Variants in DNM3 observed in about 807,000 individuals in gnomAD.
DNM3 encodes the protein dynamin 3.
In DNM3, 47 loss-of-function variants were observed where a neutral mutation model predicts 101.6. The ratio of observed to expected loss-of-function variants is 0.46; its 90% CI spans 0.37 to 0.59. DNM3 has a LOEUF of 0.59. Among genes scored for constraint, DNM3 ranks in the 20% least tolerant of loss-of-function variants. DNM3 has a pLI of 0.00. For synonymous variants in DNM3, 385 were observed against 387.9 expected (o/e 0.99, Z 0.09); for missense variants, 849 against 1,085.7 (o/e 0.78, Z 3.06).
intron 14 of DNM3, among the ~76,000 whole-genome samples, chr1:172,232,495 C>T (rs866850555): frequency 6.6e-6 from 1 of 152,182 alleles, no homozygotes; most frequent in Non-Finnish European, 1.5e-5. Context: ...AGAAAGTTAA[C>T]AAGGATATCC....
At chr1:171,999,260 C>T (rs1049392820) in intron 4 of DNM3, among the ~76,000 whole-genome samples, 2 of 152,034 alleles carry the variant, frequency 1.3e-5, no homozygotes, top group African/African-American at 4.8e-5. Flanking sequence ...ATTCAAGGTA[C>T]ACTGTGAAAG....
At chr1:172,006,213 G>A (rs2046677358) in intron 4 of DNM3, among the ~76,000 whole-genome samples, 2 of 152,052 alleles carry the variant, frequency 1.3e-5, no homozygotes, top group African/African-American at 4.8e-5. Context: ...CAGTGAGGGA[G>A]GTTTCTTGAT....
intron 14 of DNM3, among the ~76,000 whole-genome samples, chr1:172,243,524 A>G (rs2061825188): frequency 6.6e-6 from 1 of 152,132 alleles, no homozygotes; most frequent in Admixed American, 6.6e-5. Flanking sequence ...GGTAATGTCA[A>G]GTGTGACTGG....
chr1:172,089,030 C>G (rs943604031), intron 12 of DNM3, among the ~76,000 whole-genome samples: 1 of 152,204 alleles, frequency 6.6e-6, no homozygotes, highest in African/African-American at 2.4e-5. Flanking sequence ...TCCACAGTGA[C>G]TTGTGTGTAG....
chr1:172,388,799 A>C lies in DNM3; in HGVS notation c.2512A>C (p.Ser838Arg). ...ATCTAGGCCTACGAGGGCCCCGCCC[A>C]GTGTCCCAAGGTAAGGCATGGAGCA... Reference protein sequence around the residue: ...VPSRPTRAPPSVPSRRPPPSP... With the variant: ...VPSRPTRAPPRVPSRRPPPSP... The change falls in exon 20 of 21, where the codon AGT becomes CGT. Residue 838 changes from serine to arginine, a missense_variant. By Grantham distance (110) the Ser-to-Arg change is moderately radical (BLOSUM62 -1). Transcript: ENST00000627582. 6.3e-7 allele frequency: 1 copy of C among 1,580,870 alleles called. No homozygotes were observed. Among genetic ancestry groups the C allele is most frequent in the Non-Finnish European group, 8.6e-7 (1 of 1,163,322 alleles).
intron 17 of DNM3, among the ~76,000 whole-genome samples, chr1:172,348,088 T>G (rs915716979): frequency 6.6e-6 from 1 of 152,068 alleles, no homozygotes; most frequent in Non-Finnish European, 1.5e-5. Context: ...TGATAGTTAC[T>G]TTGAGTGGGA....
At chr1:172,033,312 G>A (rs2048745694) in intron 6 of DNM3, 47 bp downstream of exon 6, 2 of 1,507,788 alleles carry the variant, frequency 1.3e-6, no homozygotes, top group Non-Finnish European at 1.8e-6. Flanking sequence ...AAATATGTAA[G>A]TAGGTGCTGG....
chr1:172,279,409 A>T (rs2063403970), intron 15 of DNM3, among the ~76,000 whole-genome samples: 1 of 152,140 alleles, frequency 6.6e-6, no homozygotes, highest in African/African-American at 2.4e-5. Context: ...GTTCTTTTAC[A>T]TTGCTGTTGT....
intron 20 of DNM3, among the ~76,000 whole-genome samples, chr1:172,418,098 G>A (rs2071494917): frequency 6.6e-6 from 1 of 152,214 alleles, no homozygotes; most frequent in Admixed American, 6.5e-5. Context: ...ACTTAGCTAT[G>A]TGATGTCCCT....
intron 13 of DNM3, among the ~76,000 whole-genome samples, chr1:172,121,908 C>T (rs887234304): frequency 6.6e-6 from 1 of 152,110 alleles, no homozygotes; most frequent in Non-Finnish European, 1.5e-5. Flanking sequence ...CCAGTCAGTT[C>T]CTTATTTAAA....
At chr1:172,276,867 G>A (rs1050271997) in intron 15 of DNM3, among the ~76,000 whole-genome samples, 3 of 151,984 alleles carry the variant, frequency 2.0e-5, no homozygotes, top group Non-Finnish European at 4.4e-5. Context: ...GAGTTGTTTG[G>A]AAAGTTAAGT....
intron 14 of DNM3, among the ~76,000 whole-genome samples, chr1:172,209,961 A>G (rs934278217): frequency 2.0e-5 from 3 of 152,164 alleles, no homozygotes; most frequent in African/African-American, 7.2e-5. Flanking sequence ...CCATTTTAAT[A>G]GTAATAATTA....
chr1:172,346,926 A>G (rs2066968943), intron 17 of DNM3, among the ~76,000 whole-genome samples: 1 of 152,220 alleles, frequency 6.6e-6, no homozygotes, highest in South Asian at 2.1e-4. Flanking sequence ...CTGGGACTGG[A>G]AAAAACTGTA....
intron 8 of DNM3, among the ~76,000 whole-genome samples, chr1:172,043,634 T>C (rs1390475653): frequency 6.6e-6 from 1 of 151,636 alleles, no homozygotes; most frequent in Non-Finnish European, 1.5e-5. Context: ...CAGGAGGGGG[T>C]GATCCAGACA....
chr1:172,299,568 A>G (rs1056828758), intron 15 of DNM3, among the ~76,000 whole-genome samples: 1 of 151,902 alleles, frequency 6.6e-6, no homozygotes, highest in African/African-American at 2.4e-5. Context: ...CCCAGTGTCT[A>G]TTGTTCCCAA....
In DNM3 at chr1:172,410,270, T is replaced by G; in HGVS notation, c.*2429T>G. 1 of 985,392 alleles carries G rather than the reference T, an allele frequency of 1.0e-6. No homozygotes were observed. The highest frequency in any genetic ancestry group is 1.2e-6 in the Non-Finnish European group (1 of 829,880). The allele number at this position is 985,392 out of a possible 1,614,324, so 61.0% of individuals were successfully genotyped here. On this transcript the variant is annotated 3_prime_UTR_variant, in exon 21 of 21. Coordinates refer to ENST00000627582, the MANE Select transcript of DNM3 (RefSeq NM_015569.5). Reference sequence around the variant, plus strand: ...GAATGAAGTCTGAAACTCTAGTATGTGCATAGTTTGACGTGCAGCATGCAC... The same window carrying G: ...GAATGAAGTCTGAAACTCTAGTATGGGCATAGTTTGACGTGCAGCATGCAC...
In DNM3 at chr1:171,907,155, T is replaced by C. The variant is rs542143319; in HGVS notation, c.162-14593T>C. Among the ~76,000 whole-genome samples the C allele has an allele frequency of 3.5e-3, 527 of 152,358 alleles. 3 individuals are homozygous for C. Among genetic ancestry groups the C allele is most frequent in the African/African-American group, 0.012 (504 of 41,584 alleles). On this transcript the variant is annotated intron_variant, in intron 1 of 20. Transcript: ENST00000627582. ...TAATTGTTTTCCCTGCTTCTCTCTT[T>C]GATCCCCACAGTTGATTTTTAATGG...
At chr1:172,160,481 A>G (rs547579657) in intron 14 of DNM3, among the ~76,000 whole-genome samples, 1 of 152,064 alleles carries the variant, frequency 6.6e-6, no homozygotes, top group South Asian at 2.1e-4. Flanking sequence ...AGACACAAAC[A>G]CACACATTAG....
At chr1:172,022,643 C>T (rs1295995715) in intron 4 of DNM3, among the ~76,000 whole-genome samples, 3 of 152,066 alleles carry the variant, frequency 2.0e-5, no homozygotes, top group Admixed American at 6.5e-5. Context: ...GCCCACCCCT[C>T]CTGACTCTTG....
Sources: allele counts gnomAD v4.1 joint callset (sites outside exome capture counted in the v4.1 genomes callset), GRCh38; gene constraint gnomAD v4.1.1; transcripts MANE v1.5; gene names NCBI Gene and HGNC (gene_info 2026-07-23, HGNC 2026-07-21).